The following CTNNA3 variants were observed in gnomAD, a reference collection of about 807,000 sequenced individuals.
CTNNA3 encodes the protein catenin alpha-3.
A neutral mutation model predicts 95.7 loss-of-function variants in CTNNA3; 76 were observed. The observed-to-expected ratio is 0.79, with a 90% confidence interval of 0.66 to 0.96. CTNNA3 has a LOEUF of 0.96. CTNNA3 is among the 40% of genes least tolerant of loss of function. The pLI, the probability that CTNNA3 is intolerant of heterozygous loss-of-function variation, is 0.00. For missense variants in CTNNA3, 1,191 were observed against 1,089.8 expected, an observed-to-expected ratio of 1.09 and a Z score of -1.31; for synonymous variants, 431 against 374.4, an observed-to-expected ratio of 1.15 and a Z score of -1.74.
intron 1 of CTNNA3, among the ~76,000 whole-genome samples, chr10:67,685,017 A>G (rs565628527): frequency 1.3e-3 from 203 of 152,334 alleles, no homozygotes; most frequent in African/African-American, 4.8e-3. Context: ...CTCCTTTCTC[A>G]GCAGTGAGGA....
In CTNNA3 at chr10:66,103,154, T is replaced by G; in HGVS notation, c.1977+3A>C. 2 of 1,611,496 alleles carry G rather than the reference T, an allele frequency of 1.2e-6. No individual in the cohort carries two copies. Among genetic ancestry groups the G allele is most frequent in the Non-Finnish European group, 1.7e-6 (2 of 1,177,576 alleles). On this transcript the variant is annotated splice_donor_region_variant and intron_variant, in intron 14 of 17. Coordinates refer to ENST00000433211, the MANE Select transcript of CTNNA3 (RefSeq NM_013266.4). ...GGTTCTCCCACCAGTTGAAGTGACA[T>G]ACCCTATCAGTTTTCCCTTCGGTCT...
intron 4 of CTNNA3, among the ~76,000 whole-genome samples, chr10:67,526,092 C>T (rs537440745): frequency 1.3e-5 from 2 of 152,122 alleles, no homozygotes; most frequent in South Asian, 2.1e-4. Context: ...TATATTGATG[C>T]TCTATAAATA....
rs1192197320 is a variant in CTNNA3, at chr10:67,573,444, C to A, written c.292+33413G>T. Among the ~76,000 whole-genome samples, 5 of 152,124 alleles carry A rather than the reference C, an allele frequency of 3.3e-5. No homozygotes were observed. In the East Asian group the frequency reaches 9.7e-4, roughly 29 times the overall value. On this transcript the variant is annotated intron_variant, in intron 3 of 17. Transcript: ENST00000433211. ...CCATAGCTTATGTTTTCTTTTTTCA[C>A]CCCCTTGAAATCAGACTATGAGACA...
chr10:67,696,888 C>T (rs1198420349), upstream of CTNNA3, among the ~76,000 whole-genome samples: 1 of 152,136 alleles, frequency 6.6e-6, no homozygotes, highest in African/African-American at 2.4e-5. Flanking sequence ...TGTGGCATTT[C>T]CTTGGACATT....
At chr10:66,551,831 A>G (rs932342168) in intron 10 of CTNNA3, among the ~76,000 whole-genome samples, 10 of 150,926 alleles carry the variant, frequency 6.6e-5, no homozygotes, top group African/African-American at 1.9e-4. Context: ...CCGTACATGC[A>G]TAGCTCATGG....
chr10:66,447,912 T>C (rs1055552597), intron 11 of CTNNA3, among the ~76,000 whole-genome samples: 4 of 152,138 alleles, frequency 2.6e-5, no homozygotes, highest in African/African-American at 9.7e-5. Flanking sequence ...GGAGAATATT[T>C]TCGCAACCTA....
chr10:66,148,766 C>T (rs746867947), intron 13 of CTNNA3, among the ~76,000 whole-genome samples: 7 of 151,892 alleles, frequency 4.6e-5, no homozygotes, highest in Non-Finnish European at 7.4e-5. Context: ...GCAGCAGGAG[C>T]AGGTTCAGGC....
At chr10:67,512,703 A>G (rs552997240) in intron 5 of CTNNA3, among the ~76,000 whole-genome samples, 354 of 151,536 alleles carry the variant, frequency 2.3e-3, no homozygotes, top group South Asian at 7.7e-3. Flanking sequence ...AAAAAAAAAA[A>G]GGGCCAGGAG....
chr10:66,480,367 C>T (rs997847597), intron 11 of CTNNA3, among the ~76,000 whole-genome samples: 3 of 152,066 alleles, frequency 2.0e-5, no homozygotes, highest in African/African-American at 7.2e-5. Flanking sequence ...TATTTGCTAA[C>T]TTGATGTTCC....
intron 11 of CTNNA3, among the ~76,000 whole-genome samples, chr10:66,481,034 T>C (rs1440327542): frequency 6.6e-6 from 1 of 152,164 alleles, no homozygotes. Flanking sequence ...TCTCAAAGCA[T>C]ACACAGTGAG....
chr10:66,028,907 A>G (rs1029855717), intron 15 of CTNNA3, among the ~76,000 whole-genome samples: 1 of 152,156 alleles, frequency 6.6e-6, no homozygotes, highest in African/African-American at 2.4e-5. Flanking sequence ...GCAGTGGGGA[A>G]AAAAACAAAC....
chr10:66,874,688 T>A (rs1450724408), intron 7 of CTNNA3, among the ~76,000 whole-genome samples: 1 of 152,230 alleles, frequency 6.6e-6, no homozygotes, highest in Non-Finnish European at 1.5e-5. Context: ...ACTGAATTCA[T>A]CCTGGTATAT....
At chr10:67,560,178 A>T (rs916615694) in intron 3 of CTNNA3, among the ~76,000 whole-genome samples, 1 of 152,120 alleles carries the variant, frequency 6.6e-6, no homozygotes, top group Non-Finnish European at 1.5e-5. Flanking sequence ...TCCAAGACAC[A>T]TAATTGTTAG....
In CTNNA3 at chr10:67,450,539, CA is replaced by C. The variant is rs1846939562; in HGVS notation, c.579+71302del. Among the ~76,000 whole-genome samples, 4 of 152,050 alleles carry C rather than the reference CA, an allele frequency of 2.6e-5. No individual in the cohort carries two copies. The South Asian group carries it at 8.3e-4, about 32-fold the overall frequency. ...GCAAACTAATGCAGAAATCGAAAATCAAATACCACATGTTCTCACTTACAAG... is the reference window on the plus strand; with the variant it reads ...GCAAACTAATGCAGAAATCGAAAATCAATACCACATGTTCTCACTTACAAG... On this transcript the variant is annotated intron_variant, in intron 5 of 17. Transcript: ENST00000433211.
intron 7 of CTNNA3, among the ~76,000 whole-genome samples, chr10:67,056,950 A>G (rs1427057484): frequency 6.6e-6 from 1 of 152,190 alleles, no homozygotes; most frequent in Non-Finnish European, 1.5e-5. Context: ...AAAGAGTGGG[A>G]ACTGACTGAG....
At chr10:66,360,655 C>CTTTCTTTCTT (rs1554944407) in intron 12 of CTNNA3, among the ~76,000 whole-genome samples, 1 of 44,734 alleles carries the variant, frequency 2.2e-5, no homozygotes, top group African/African-American at 9.0e-5. Context: ...TTCTTTCTTT[C>CTTTCTTTCTT]TTTCTTCCTT....
At chr10:66,456,695 C>T (rs562703990) in intron 11 of CTNNA3, among the ~76,000 whole-genome samples, 2 of 151,270 alleles carry the variant, frequency 1.3e-5, no homozygotes, top group Non-Finnish European at 3.0e-5. Flanking sequence ...ACAAAAAACA[C>T]AAACAAAACA....
intron 3 of CTNNA3, among the ~76,000 whole-genome samples, chr10:67,558,934 G>C (rs1011648432): frequency 5.3e-5 from 8 of 152,210 alleles, no homozygotes; most frequent in African/African-American, 1.9e-4. Context: ...GAGGCTGGGG[G>C]AGGGGTGCCC....
intron 3 of CTNNA3, among the ~76,000 whole-genome samples, chr10:67,605,202 A>T (rs4745939): frequency 0.45 from 68,338 of 152,112 alleles, 19,134 homozygotes; most frequent in African/African-American, 0.8. Flanking sequence ...AAAAAGGAGA[A>T]CCTGTCATTT....
Sources: allele counts gnomAD v4.1 joint callset (sites outside exome capture counted in the v4.1 genomes callset), GRCh38; gene constraint gnomAD v4.1.1; transcripts MANE v1.5; gene names NCBI Gene and HGNC (gene_info 2026-07-23, HGNC 2026-07-21).